Variants in FAT4 observed in about 807,000 individuals in gnomAD.
FAT4 encodes the protein protocadherin Fat 4.
A neutral mutation model predicts 303.9 loss-of-function variants in FAT4; 84 were observed. The observed-to-expected ratio is 0.28, with a 90% CI of 0.23 to 0.33. The LOEUF is 0.33. Ranked by LOEUF, FAT4 falls within the 10% of genes least tolerant of loss-of-function variation. The pLI is 1.00. For synonymous variants in FAT4, 2,307 were observed against 2,298.8 expected, an observed-to-expected ratio of 1.00 and a Z score of -0.10; for missense variants, 6,005 against 6,146.8, an observed-to-expected ratio of 0.98 and a Z score of 0.77.
Position 125,316,762 on chromosome 4 carries a change from C to T in FAT4, c.351C>T (p.Tyr117=), listed in dbSNP as rs1730619478. Residue 117 remains tyrosine (Y), a synonymous_variant, in exon 2 of 18, where the codon TAC becomes TAT. Coordinates refer to ENST00000394329, the MANE Select transcript of FAT4 (RefSeq NM_001291303.3). The surrounding 1 kb of genome is among the most constrained non-coding windows in gnomAD (Gnocchi z 5.7). ...NLVVLSSAPT[Y]PTEVRVLVRD... The stretch of plus-strand genomic sequence containing the variant: ...TGGTCCTTTCCAGCGCGCCCACCTA[C>T]CCCACCGAAGTGCGAGTGCTGGTGC... 1.9e-6 allele frequency: 3 copies of T among 1,614,086 alleles called. No individual in the cohort carries two copies. The highest frequency in any genetic ancestry group is 2.5e-6 in the Non-Finnish European group (3 of 1,180,028).
At chr4:125,413,006 T>C (rs1483867528) in intron 5 of FAT4, among the ~76,000 whole-genome samples, 2 of 151,776 alleles carry the variant, frequency 1.3e-5, no homozygotes, top group Admixed American at 1.3e-4. Flanking sequence ...TAGATGTTAA[T>C]AGAAACACAC....
chr4:125,476,183 A>G lies in FAT4; in HGVS notation c.12226A>G (p.Thr4076Ala). 6.3e-7 allele frequency: 1 copy of G among 1,596,168 alleles called. No individual in the cohort carries two copies. The highest frequency in any genetic ancestry group is 8.6e-7 in the Non-Finnish European group (1 of 1,167,902). Residue 4076 changes from threonine to alanine, a missense_variant, in exon 13 of 18, where the codon ACT becomes GCT. Coordinates refer to ENST00000394329, the MANE Select transcript of FAT4 (RefSeq NM_001291303.3). ...TCTTGCTTCGTAGGCAGCCTCCTTA[A>G]CTGTGGACTCCTGTTCTGAGAACCA... ...ARRAGMAASLTVDSCSENQEP... is the reference protein window; with the variant it reads ...ARRAGMAASLAVDSCSENQEP...
chr4:125,331,670 C>A (rs1186808349), intron 2 of FAT4, among the ~76,000 whole-genome samples: 2 of 152,122 alleles, frequency 1.3e-5, no homozygotes, highest in Non-Finnish European at 2.9e-5. Flanking sequence ...CTTTAGAGAG[C>A]AGATCTTAAG....
chr4:125,407,109 A>G lies in FAT4; in HGVS notation c.5537A>G (p.Tyr1846Cys), dbSNP rs1470051416. The G allele has an allele frequency of 1.2e-6, 2 of 1,613,330 alleles. No homozygotes were observed. The highest frequency in any genetic ancestry group is 1.1e-5 in the South Asian group (1 of 91,078). ...ACACCCAAATTTTCCAGACCCGTGT[A>G]CTCTTTTGACATTCCTGAGGACACA... is the stretch of plus-strand genomic sequence containing the variant. ...DHTPKFSRPV[Y>C]SFDIPEDTIP... Residue 1846 changes from tyrosine (Y) to cysteine (C), a missense_variant, in exon 4 of 18, where the codon TAC becomes TGC. Physicochemically the swap from Tyr to Cys is radical, Grantham distance 194. Coordinates refer to ENST00000394329, the MANE Select transcript of FAT4 (RefSeq NM_001291303.3).
intron 2 of FAT4, among the ~76,000 whole-genome samples, chr4:125,395,171 G>C (rs1734120380): frequency 1.3e-5 from 2 of 152,070 alleles, no homozygotes; most frequent in Admixed American, 1.3e-4. Flanking sequence ...AAAACCGCAG[G>C]CTACTGAGAT....
At chr4:125,332,852 T>G (rs1183903831) in intron 2 of FAT4, among the ~76,000 whole-genome samples, 1 of 152,110 alleles carries the variant, frequency 6.6e-6, no homozygotes, top group Non-Finnish European at 1.5e-5. Flanking sequence ...TAAAACGTTT[T>G]CCTGGACAGA....
At chr4:125,428,914 G>A (rs537325205) in intron 7 of FAT4, among the ~76,000 whole-genome samples, 11 of 152,156 alleles carry the variant, frequency 7.2e-5, no homozygotes, top group Admixed American at 1.3e-4. Context: ...TCAGGAGCCC[G>A]TGTCATTATA....
intron 14 of FAT4, 143 bp from the exon 15 acceptor site, chr4:125,479,598 G>T: frequency 1.3e-6 from 1 of 785,488 alleles, no homozygotes; most frequent in East Asian, 3.1e-5. Context: ...GGTTTGATTA[G>T]TTTCTCCAAA....
chr4:125,391,261 T>A (rs1733964444), intron 2 of FAT4, among the ~76,000 whole-genome samples: 1 of 151,958 alleles, frequency 6.6e-6, no homozygotes, highest in African/African-American at 2.4e-5. Context: ...AAGAAATGGA[T>A]CCAACCCAAA....
Position 125,408,426 on chromosome 4 carries a change from A to AT in FAT4, c.5570-18_5570-17insT. The AT allele has an allele frequency of 6.7e-7, 1 of 1,488,008 alleles. No individual in the cohort carries two copies. Among genetic ancestry groups the AT allele is most frequent in the East Asian group, 2.3e-5 (1 of 44,032 alleles). 92.2% of individuals were successfully genotyped at this position (1,488,008 alleles called of 1,614,324 possible). A position where few individuals can be genotyped will look rare whatever the true frequency, so the allele number is the denominator to read the frequency against. On this transcript the variant is annotated splice_polypyrimidine_tract_variant and intron_variant, in intron 4 of 17. Transcript: ENST00000394329. The stretch of plus-strand genomic sequence containing the variant: ...CTTACTTCCTTGATTTTATACTATT[A>AT]ATTTATTCTTTTGATAGGTTCTTTG...
In FAT4 at chr4:125,399,740, G is replaced by A. The variant is rs186557295; in HGVS notation, c.5307+825G>A. On this transcript the variant is annotated intron_variant, in intron 3 of 17. Coordinates refer to ENST00000394329, the MANE Select transcript of FAT4 (RefSeq NM_001291303.3). ...AATGACTTAGTCATTTATACATTTTGCCAAAATCTAACTATTACAAATGAA... is the reference window on the plus strand; with the variant it reads ...AATGACTTAGTCATTTATACATTTTACCAAAATCTAACTATTACAAATGAA... Among the ~76,000 whole-genome samples the A allele has an allele frequency of 1.6e-3, 237 of 151,984 alleles. 1 individual carries two copies. The highest frequency in any genetic ancestry group is 5.2e-3 in the African/African-American group (217 of 41,494).
chr4:125,468,666 G>C lies in FAT4; in HGVS notation c.12060G>C (p.Gln4020His). The change falls in exon 12 of 18, where the codon CAG becomes CAC. Residue 4020 changes from glutamine to histidine, a missense_variant. Physicochemically the swap from Gln to His is conservative, Grantham distance 24. Transcript: ENST00000394329. ...HALLLYNYDN[Q>H]TGDRAEFLAL... Reference sequence around the variant, plus strand: ...TATTGCTTTACAACTATGACAACCAGACAGGCGACCGGGCTGAGTTTTTGG... The same window carrying C: ...TATTGCTTTACAACTATGACAACCACACAGGCGACCGGGCTGAGTTTTTGG... The C allele has an allele frequency of 6.2e-7, 1 of 1,614,084 alleles. No homozygotes were observed. Among genetic ancestry groups the C allele is most frequent in the South Asian group, 1.1e-5 (1 of 91,080 alleles).
In FAT4 at chr4:125,319,692, A is replaced by G; in HGVS notation, c.3281A>G (p.Asn1094Ser). The G allele has an allele frequency of 6.2e-7, 1 of 1,614,118 alleles. No homozygotes were observed. Among genetic ancestry groups the G allele is most frequent in the South Asian group, 1.1e-5 (1 of 91,086 alleles). ...VNVTVILEDV[N>S]DNRPLFNSTN... ...GTTACTGTAATTTTAGAAGATGTAA[A>G]TGATAACAGACCTCTTTTTAACAGT... The change falls in exon 2 of 18, where the codon AAT becomes AGT. Residue 1094 changes from asparagine to serine, a missense_variant. Physicochemically the swap from Asn to Ser is conservative, Grantham distance 46 (BLOSUM62 1). Transcript: ENST00000394329.
chr4:125,452,611 A>G lies in FAT4; in HGVS notation c.11601A>G (p.Glu3867=), dbSNP rs1350588781. 8 of 1,613,992 alleles carry G rather than the reference A, an allele frequency of 5.0e-6. No individual in the cohort carries two copies. The highest frequency in any genetic ancestry group is 5.9e-6 in the Non-Finnish European group (7 of 1,180,038). Residue 3867 remains glutamate (E), a synonymous_variant, in exon 10 of 18, where the codon GAA becomes GAG. Coordinates refer to ENST00000394329, the MANE Select transcript of FAT4 (RefSeq NM_001291303.3). ...AGSWCEIDID[E]CLPSPCHSGG... The stretch of plus-strand genomic sequence containing the variant: ...GCTGGTGTGAAATAGATATAGATGA[A>G]TGTCTTCCATCACCTTGCCACAGTG...
Position 125,486,388 on chromosome 4 carries a change from T to C in FAT4, c.12823-957T>C, listed in dbSNP as rs1727414385. Among the ~76,000 whole-genome samples, 10 of 152,296 alleles carry C rather than the reference T, an allele frequency of 6.6e-5. No individual in the cohort carries two copies. The South Asian group carries it at 2.1e-3, about 32-fold the overall frequency. On this transcript the variant is annotated intron_variant, in intron 16 of 17. Coordinates refer to ENST00000394329, the MANE Select transcript of FAT4 (RefSeq NM_001291303.3). The stretch of plus-strand genomic sequence containing the variant: ...TCTTTTCGGTAAAGTACAAATGAAC[T>C]GATTTTTAGTTTTACCAGATGTGTT...
chr4:125,450,542 G>T lies in FAT4; in HGVS notation c.9532G>T (p.Gly3178Cys). 2.5e-6 allele frequency: 4 copies of T among 1,614,082 alleles called. No homozygotes were observed. The highest frequency in any genetic ancestry group is 3.4e-6 in the Non-Finnish European group (4 of 1,180,014). Residue 3178 changes from glycine to cysteine, a missense_variant, in exon 10 of 18, where the codon GGT (glycine) becomes TGT (cysteine). Physicochemically the swap from Gly to Cys is radical, Grantham distance 159. Coordinates refer to ENST00000394329, the MANE Select transcript of FAT4 (RefSeq NM_001291303.3). ...AIDGGWVART[G>C]YCSVTVNVID... ...AGATGGAGGATGGGTTGCAAGAACT[G>T]GTTACTGCAGTGTGACCGTAAATGT...
chr4:125,359,581 T>C (rs1732572782), intron 2 of FAT4, among the ~76,000 whole-genome samples: 1 of 152,210 alleles, frequency 6.6e-6, no homozygotes, highest in Non-Finnish European at 1.5e-5. Flanking sequence ...GAGATCATTA[T>C]AATCCTATTA....
intron 2 of FAT4, among the ~76,000 whole-genome samples, chr4:125,353,443 A>C (rs1732309038): frequency 6.6e-6 from 1 of 151,654 alleles, no homozygotes; most frequent in African/African-American, 2.4e-5. Context: ...ACTGTGCCCC[A>C]AATTGGTATT....
Position 125,321,114 on chromosome 4 carries a change from T to C in FAT4, c.4703T>C (p.Ile1568Thr), listed in dbSNP as rs1339708857. The change falls in exon 2 of 18, where the codon ATC becomes ACC. Residue 1568 changes from isoleucine (I) to threonine (T), a missense_variant. Coordinates refer to ENST00000394329, the MANE Select transcript of FAT4 (RefSeq NM_001291303.3). Reference protein sequence around the residue: ...GANGEIEYEIINGDTDTFIVD... With the variant: ...GANGEIEYEITNGDTDTFIVD... ...AATGGAGAAATAGAGTATGAGATCA[T>C]CAATGGGGACACAGACACCTTCATT... 6.8e-6 allele frequency: 11 copies of C among 1,614,166 alleles called. No individual in the cohort carries two copies. The South Asian group carries it at 1.2e-4, about 18-fold the overall frequency.
Sources: gnomAD v4.1 joint callset for allele counts (sites outside exome capture counted in the v4.1 genomes callset) on GRCh38, gnomAD v4.1.1 for gene constraint, Gnocchi (gnomAD v3.1) non-coding constraint, MANE v1.5 for transcripts, NCBI Gene and HGNC (gene_info 2026-07-23, HGNC 2026-07-21) for gene names.